ENAH: variants seen among roughly 807,000 people sequenced by gnomAD.
The protein encoded by ENAH is protein enabled homolog.
A neutral mutation model predicts 78.7 loss-of-function variants in ENAH; 23 were observed. The observed-to-expected ratio is 0.29, with a 90% CI of 0.21 to 0.41. The LOEUF is 0.41. ENAH is among the 10% of genes least tolerant of loss of function. The pLI is 1.00. For missense variants in ENAH, 544 were observed against 691.0 expected (o/e 0.79, Z 2.39); for synonymous variants, 226 against 241.0 (o/e 0.94, Z 0.58).
At chr1:225,542,305 A>C (rs1027712468) in intron 3 of ENAH, among the ~76,000 whole-genome samples, 4 of 152,250 alleles carry the variant, frequency 2.6e-5, no homozygotes, top group Non-Finnish European at 5.9e-5. Flanking sequence ...TTTTCCAAAC[A>C]CCAGAGCTGG....
chr1:225,513,124 C>A (rs964514567), intron 7 of ENAH, 108 bp from the exon 8 acceptor site: 4 of 995,106 alleles, frequency 4.0e-6, no homozygotes, highest in Non-Finnish European at 4.2e-6. Flanking sequence ...TTTTAAAAAA[C>A]CTAAATATTA....
intron 1 of ENAH, among the ~76,000 whole-genome samples, chr1:225,583,808 CAAAA>C (rs71170095): frequency 1.5e-5 from 2 of 132,752 alleles, no homozygotes; most frequent in African/African-American, 2.8e-5. Flanking sequence ...ACCTCCATCT[CAAAA>C]AAAAAAAAAG....
chr1:225,596,086 C>T (rs1213453784), intron 1 of ENAH, among the ~76,000 whole-genome samples: 1 of 152,148 alleles, frequency 6.6e-6, no homozygotes, highest in African/African-American at 2.4e-5. Context: ...CAAAGAAAGA[C>T]TCTTCTGAAG....
chr1:225,531,377 GT>G, intron 3 of ENAH, among the ~76,000 whole-genome samples: 1 of 152,018 alleles, frequency 6.6e-6, no homozygotes, highest in East Asian at 1.9e-4. Flanking sequence ...ATGCAGACCT[GT>G]TTTTTGCATC....
Position 225,491,966 on chromosome 1 carries a change from G to A in ENAH, c.*5809C>T, listed in dbSNP as rs2096224336. 6.6e-6 allele frequency: 1 copy of A among 152,066 alleles called. No homozygotes were observed. Among genetic ancestry groups the A allele is most frequent in the Non-Finnish European group, 1.5e-5 (1 of 68,024 alleles). The allele number at this position is 152,066 out of a possible 1,614,324, so 9.4% of individuals were successfully genotyped here. ...AAATCAGATTTACATGATAAACTAT[G>A]GGTTGTCATTTGTATATAGAACTTT... On this transcript the variant is annotated 3_prime_UTR_variant, in exon 14 of 14. Transcript: ENST00000366843.
chr1:225,516,208 C>G (rs2096415970), intron 6 of ENAH, among the ~76,000 whole-genome samples: 1 of 152,174 alleles, frequency 6.6e-6, no homozygotes, highest in South Asian at 2.1e-4. Context: ...AGAATAACTA[C>G]AGAGGATGCT....
intron 11 of ENAH, among the ~76,000 whole-genome samples, chr1:225,501,872 A>G (rs1369283022): frequency 1.3e-5 from 2 of 152,230 alleles, no homozygotes; most frequent in African/African-American, 4.8e-5. Flanking sequence ...ACAAGTTTCA[A>G]CACCAAATAA....
chr1:225,547,046 C>T (rs527766735), intron 3 of ENAH, among the ~76,000 whole-genome samples: 1 of 151,758 alleles, frequency 6.6e-6, no homozygotes, highest in African/African-American at 2.4e-5. Flanking sequence ...CCGGAGACAT[C>T]TATTATTTGT....
In ENAH at chr1:225,633,039, C is replaced by CTT. The variant is rs3050270; in HGVS notation, c.5+19645_5+19646dup. ...TGTTCCTTAAACTGTCACTCAAAGT[C>CTT]TTTTTTTTTTTTTTGAGATGGAGTC... On this transcript the variant is annotated intron_variant, in intron 1 of 13. Coordinates refer to ENST00000366843, the MANE Select transcript of ENAH (RefSeq NM_018212.6). Among the ~76,000 whole-genome samples the CTT allele has an allele frequency of 5.2e-3, 732 of 141,862 alleles. 10 individuals are homozygous for CTT. The highest frequency in any genetic ancestry group is 0.018 in the African/African-American group (680 of 38,562). 93.1% of individuals were successfully genotyped at this position (141,862 alleles called of 152,430 possible).
intron 1 of ENAH, among the ~76,000 whole-genome samples, chr1:225,635,239 C>T (rs1292539402): frequency 6.6e-6 from 1 of 152,050 alleles, no homozygotes; most frequent in Non-Finnish European, 1.5e-5. Flanking sequence ...TTTAAAGAAA[C>T]AGTCTATGTT....
intron 4 of ENAH, among the ~76,000 whole-genome samples, chr1:225,529,939 C>T (rs74149831): frequency 0.013 from 2,036 of 152,306 alleles, 52 homozygotes; most frequent in African/African-American, 0.045. Context: ...ACTGAACAAG[C>T]TGCCTCAGAT....
At chr1:225,589,094 T>C (rs2096862584) in intron 1 of ENAH, among the ~76,000 whole-genome samples, 1 of 151,990 alleles carries the variant, frequency 6.6e-6, no homozygotes, top group South Asian at 2.1e-4. Flanking sequence ...AGATGAATTC[T>C]GGAACAGGAA....
chr1:225,615,659 C>T (rs151229545), intron 1 of ENAH, among the ~76,000 whole-genome samples: 2 of 150,788 alleles, frequency 1.3e-5, no homozygotes, highest in African/African-American at 2.4e-5. Context: ...CCCGCCACCC[C>T]GTCTGGGATG....
chr1:225,624,768 C>G (rs1037236569), intron 1 of ENAH, among the ~76,000 whole-genome samples: 1 of 152,196 alleles, frequency 6.6e-6, no homozygotes, highest in African/African-American at 2.4e-5. Flanking sequence ...ACACTGGACT[C>G]TATCCACCGG....
chr1:225,489,293 T>C lies in ENAH; in HGVS notation c.*8482A>G, dbSNP rs2096212174. 2 of 152,126 alleles carry C rather than the reference T, an allele frequency of 1.3e-5. No individual in the cohort carries two copies. Among genetic ancestry groups the C allele is most frequent in the Admixed American group, 1.3e-4 (2 of 15,262 alleles). The allele number at this position is 152,126 out of a possible 1,614,324, so 9.4% of individuals were successfully genotyped here. ...AATGTGCTTCCAGGTTGAAGCACAA[T>C]GGAGAATGTACTGAAGCCACCACAG... On this transcript the variant is annotated 3_prime_UTR_variant, in exon 14 of 14. Coordinates refer to ENST00000366843, the MANE Select transcript of ENAH (RefSeq NM_018212.6).
rs531444445 is a variant in ENAH at position 225,487,993 on chromosome 1, T to C, written c.*9782A>G. The stretch of plus-strand genomic sequence containing the variant: ...AATCTCATAATAGAAATTATGTACG[T>C]TGTTCTTTAACCAGAAAGGTTCACT... On this transcript the variant is annotated 3_prime_UTR_variant, in exon 14 of 14. Coordinates refer to ENST00000366843, the MANE Select transcript of ENAH (RefSeq NM_018212.6). 6.6e-6 allele frequency: 1 copy of C among 152,090 alleles called. No individual in the cohort carries two copies. Among genetic ancestry groups the C allele is most frequent in the African/African-American group, 2.4e-5 (1 of 41,494 alleles). 9.4% of individuals were successfully genotyped at this position (152,090 alleles called of 1,614,324 possible).
At chr1:225,582,105 T>A (rs2096821578) in intron 1 of ENAH, among the ~76,000 whole-genome samples, 6 of 152,050 alleles carry the variant, frequency 3.9e-5, no homozygotes, top group Admixed American at 3.9e-4. Context: ...TTTAGCAACA[T>A]CCCCTTGGTG....
chr1:225,633,604 C>T lies in ENAH; in HGVS notation c.5+19082G>A, dbSNP rs1659516725. ...CTACTGTATGACTCCAGCCAAGTCACTTAAGTATCCTAAGCCTTGGTTTCC... is the reference window on the plus strand; with the variant it reads ...CTACTGTATGACTCCAGCCAAGTCATTTAAGTATCCTAAGCCTTGGTTTCC... On this transcript the variant is annotated intron_variant, in intron 1 of 13. Coordinates refer to ENST00000366843, the MANE Select transcript of ENAH (RefSeq NM_018212.6). Among the ~76,000 whole-genome samples the T allele has an allele frequency of 2.0e-5, 3 of 152,196 alleles. No individual in the cohort carries two copies. In the South Asian group the frequency reaches 6.2e-4, roughly 32 times the overall value.
At chr1:225,522,566 G>A (rs1345630022) in intron 4 of ENAH, among the ~76,000 whole-genome samples, 3 of 152,144 alleles carry the variant, frequency 2.0e-5, no homozygotes, top group African/African-American at 7.2e-5. Flanking sequence ...TTTATCTGCA[G>A]GGATGAGGGG....
Sources: allele counts gnomAD v4.1 joint callset (sites outside exome capture counted in the v4.1 genomes callset), GRCh38; gene constraint gnomAD v4.1.1; transcripts MANE v1.5; gene names NCBI Gene and HGNC (gene_info 2026-07-23, HGNC 2026-07-21).